WDR27: variants seen among roughly 807,000 people sequenced by gnomAD.
WDR27 encodes WD repeat-containing protein 27.
In WDR27, 100 loss-of-function variants were observed where a neutral mutation model predicts 114.4. The ratio of observed to expected loss-of-function variants is 0.87; its 90% CI spans 0.74 to 1.03. The LOEUF (loss-of-function observed/expected upper bound fraction) is 1.03, where lower values mean the gene tolerates loss of function less well. Ranked by LOEUF, WDR27 falls within the 50% of genes least tolerant of loss-of-function variation. The probability of loss-of-function intolerance (pLI) is 0.00; values close to 1 mark genes in which losing one functional copy is unlikely to be tolerated. For missense variants in WDR27, 1,129 were observed against 1,092.9 expected (o/e 1.03, Z -0.47); for synonymous variants, 449 against 423.1 (o/e 1.06, Z -0.75).
At chr6:169,444,953 A>G in the WDR27 span, among the ~76,000 whole-genome samples, 1 of 152,150 alleles carries the variant, frequency 6.6e-6, no homozygotes, top group East Asian at 1.9e-4. Context: ...GGACAATACT[A>G]TCCCTTACCT....
chr6:169,501,923 T>C (rs1282209143), intron 25 of WDR27, among the ~76,000 whole-genome samples: 2 of 152,206 alleles, frequency 1.3e-5, no homozygotes, highest in Admixed American at 1.3e-4. Context: ...TCCAGATCTT[T>C]CCACTCACAC....
chr6:169,511,470 C>T (rs185807092), intron 25 of WDR27, among the ~76,000 whole-genome samples: 77 of 152,064 alleles, frequency 5.1e-4, no homozygotes, highest in African/African-American at 1.7e-3. Context: ...ACTTTGAACC[C>T]CAAATAAAGT....
At chr6:169,509,036 CA>C (rs1415997481) in intron 25 of WDR27, among the ~76,000 whole-genome samples, 1 of 152,104 alleles carries the variant, frequency 6.6e-6, no homozygotes, top group Non-Finnish European at 1.5e-5. Flanking sequence ...ACAATTGCTT[CA>C]ATGAGAATAA....
chr6:169,592,884 G>C (rs1457430791), intron 23 of WDR27, among the ~76,000 whole-genome samples: 2 of 152,170 alleles, frequency 1.3e-5, no homozygotes, highest in Non-Finnish European at 2.9e-5. Flanking sequence ...AATGAATCCA[G>C]AATTTTATTG....
At chr6:169,672,443 A>G (rs908387046) in intron 2 of WDR27, 47 bp from the exon 3 acceptor site, 1 of 1,508,078 alleles carries the variant, frequency 6.6e-7, no homozygotes, top group Non-Finnish European at 8.9e-7. Context: ...ACATTTAAAA[A>G]TAAGAGTATA....
the WDR27 span, chr6:169,426,711 TC>T: frequency 6.6e-6 from 1 of 152,310 alleles, no homozygotes. Flanking sequence ...TTGGAAACTG[TC>T]TTTTTACTGG....
intron 25 of WDR27, among the ~76,000 whole-genome samples, chr6:169,471,992 C>A (rs1786471389): frequency 6.6e-6 from 1 of 152,082 alleles, no homozygotes. Context: ...GAGGGTGGAG[C>A]CCTCATGACT....
chr6:169,619,567 G>T (rs528352753), intron 21 of WDR27, among the ~76,000 whole-genome samples: 2 of 152,248 alleles, frequency 1.3e-5, no homozygotes, highest in South Asian at 4.1e-4. Context: ...AAATACACTG[G>T]TTTCCCACCT....
At chr6:169,449,101 C>T in the WDR27 span, among the ~76,000 whole-genome samples, 21 of 152,282 alleles carry the variant, frequency 1.4e-4, no homozygotes, top group Admixed American at 1.0e-3. Flanking sequence ...AGTTTCTCTC[C>T]AGTCATGGTT....
intron 13 of WDR27, among the ~76,000 whole-genome samples, chr6:169,657,425 C>G (rs965401211): frequency 6.6e-6 from 1 of 152,180 alleles, no homozygotes; most frequent in Non-Finnish European, 1.5e-5. Flanking sequence ...GAGCCCGGCC[C>G]GGGGAGAGGC....
chr6:169,461,870 A>G (rs1437379016), intron 25 of WDR27, among the ~76,000 whole-genome samples: 1 of 152,034 alleles, frequency 6.6e-6, no homozygotes, highest in African/African-American at 2.4e-5. Context: ...CTCTAACTAT[A>G]TGGACTAAGA....
intron 7 of WDR27, chr6:169,664,655 A>G: frequency 9.5e-7 from 1 of 1,057,004 alleles, no homozygotes; most frequent in Non-Finnish European, 1.1e-6. Flanking sequence ...ACAAGGCAAC[A>G]GCGGTCAACT....
chr6:169,532,538 TAATA>T (rs2128081939), intron 25 of WDR27, among the ~76,000 whole-genome samples: 1 of 152,290 alleles, frequency 6.6e-6, no homozygotes, highest in Admixed American at 6.5e-5. Flanking sequence ...TTTTTATTAT[TAATA>T]AATGAGAAAT....
chr6:169,643,847 G>A, intron 16 of WDR27, 61 bp from the exon 17 acceptor site: 1 of 1,370,706 alleles, frequency 7.3e-7, no homozygotes, highest in South Asian at 1.3e-5. Flanking sequence ...GAGTCACACT[G>A]TAGAAAAGCC....
At chr6:169,656,033 T>C (rs190860011) in intron 13 of WDR27, among the ~76,000 whole-genome samples, 12 of 151,170 alleles carry the variant, frequency 7.9e-5, no homozygotes, top group African/African-American at 2.9e-4. Context: ...GAGAGTTTTA[T>C]TGAGTGACAG....
intron 23 of WDR27, among the ~76,000 whole-genome samples, chr6:169,598,687 C>T (rs1255976127): frequency 6.6e-6 from 1 of 152,194 alleles, no homozygotes; most frequent in African/African-American, 2.4e-5. Flanking sequence ...CATGACGCAG[C>T]CACACACCAA....
At chr6:169,637,785 G>A (rs1215081079) in intron 18 of WDR27, among the ~76,000 whole-genome samples, 2 of 152,002 alleles carry the variant, frequency 1.3e-5, no homozygotes, top group South Asian at 2.1e-4. Context: ...ATATGCGTGT[G>A]CCTACTGCGT....
chr6:169,620,400 A>G (rs1812823198), intron 21 of WDR27, among the ~76,000 whole-genome samples: 1 of 152,222 alleles, frequency 6.6e-6, no homozygotes, highest in African/African-American at 2.4e-5. Context: ...CAGAACTCAA[A>G]GACATCCCTC....
Position 169,659,663 on chromosome 6 carries a change from C to T in WDR27, c.1130-145G>A. 1.4e-6 allele frequency: 1 copy of T among 729,056 alleles called. No homozygotes were observed. Among genetic ancestry groups the T allele is most frequent in the Non-Finnish European group, 2.3e-6 (1 of 425,578 alleles). The allele number at this position is 729,056 out of a possible 1,614,324, so 45.2% of individuals were successfully genotyped here. On this transcript the variant is annotated intron_variant, in intron 10 of 25. Coordinates refer to ENST00000448612, the MANE Select transcript of WDR27 (RefSeq NM_182552.5). This position sits in a 1 kb window ranked among gnomAD's most constrained non-coding sequence, Gnocchi z 4.3. The stretch of plus-strand genomic sequence containing the variant: ...CACCACACACTTTGCAGGCTGTGCA[C>T]CACATCCTCACACATACAAGGCCCC...
Sources: gnomAD v4.1 joint callset for allele counts (sites outside exome capture counted in the v4.1 genomes callset) on GRCh38, gnomAD v4.1.1 for gene constraint, Gnocchi (gnomAD v3.1) non-coding constraint, MANE v1.5 for transcripts, NCBI Gene and HGNC (gene_info 2026-07-23, HGNC 2026-07-21) for gene names.